CDK8: variants seen among roughly 807,000 people sequenced by gnomAD.
The protein encoded by CDK8 is cyclin dependent kinase 8, also known as cyclin-dependent kinase 8.
A neutral mutation model predicts 71.5 loss-of-function variants in CDK8; 29 were observed. That is an observed-to-expected ratio of 0.41 (90% CI 0.30 to 0.55). The LOEUF is 0.55. Ranked by LOEUF, CDK8 falls within the 20% of genes least tolerant of loss-of-function variation. The pLI is 0.37. For missense variants in CDK8, 288 were observed against 572.6 expected, an observed-to-expected ratio of 0.50 and a Z score of 5.07; for synonymous variants, 161 against 192.1, an observed-to-expected ratio of 0.84 and a Z score of 1.34.
chr13:26,264,257 C>T (rs920934246), intron 1 of CDK8, among the ~76,000 whole-genome samples: 3 of 147,102 alleles, frequency 2.0e-5, no homozygotes, highest in African/African-American at 8.2e-5. Context: ...TTGCCTTTAG[C>T]TGCCGTTCTT....
intron 1 of CDK8, among the ~76,000 whole-genome samples, chr13:26,281,256 A>G (rs1343088641): frequency 1.3e-5 from 2 of 152,262 alleles, no homozygotes; most frequent in African/African-American, 4.8e-5. Context: ...CATCTCCACC[A>G]GAACAGGTGC....
At position 26,267,735 on chromosome 13, in the gene CDK8, T is replaced by C. The variant is rs1593226932; in HGVS notation, c.128+12966T>C. ...TGCAAGGACATTTAGGTTGTTTTCA[T>C]TGAAACAGAACTGCAATAAATGTCC... is the stretch of plus-strand genomic sequence containing the variant. On this transcript the variant is annotated intron_variant, in intron 1 of 12. Coordinates refer to ENST00000381527, the MANE Select transcript of CDK8 (RefSeq NM_001260.3). 2.0e-5 allele frequency among the ~76,000 whole-genome samples: 3 copies of C among 152,332 alleles called. No homozygotes were observed. The South Asian group carries it at 6.2e-4, about 32-fold the overall frequency.
rs144216293 is a variant in CDK8, at chr13:26,257,961, T to G, written c.128+3192T>G. On this transcript the variant is annotated intron_variant, in intron 1 of 12. Transcript: ENST00000381527. ...TACTGCCAACTTTCTTTGGGGCACA[T>G]TTGTTGAGAGCCCAGAGATTAGTAA... is the stretch of plus-strand genomic sequence containing the variant. Among the ~76,000 whole-genome samples the G allele has an allele frequency of 6.7e-3, 1,021 of 151,846 alleles. 7 individuals carry two copies. The highest frequency in any genetic ancestry group is 0.024 in the Middle Eastern group (7 of 294).
chr13:26,366,960 A>G (rs1357456300), intron 4 of CDK8, among the ~76,000 whole-genome samples: 2 of 152,208 alleles, frequency 1.3e-5, no homozygotes, highest in African/African-American at 4.8e-5. Context: ...TAGCTGCCAT[A>G]GTAATTCTTG....
intron 1 of CDK8, among the ~76,000 whole-genome samples, chr13:26,330,589 G>A (rs1323578602): frequency 6.6e-6 from 1 of 151,894 alleles, no homozygotes; most frequent in Non-Finnish European, 1.5e-5. Flanking sequence ...AACCTTCCCA[G>A]TCTCTCTGTT....
At chr13:26,386,325 A>G (rs1203604054) in intron 6 of CDK8, among the ~76,000 whole-genome samples, 1 of 152,136 alleles carries the variant, frequency 6.6e-6, no homozygotes, top group African/African-American at 2.4e-5. Flanking sequence ...ATTCTGCTTC[A>G]TTCTCTTTGG....
chr13:26,397,908 GA>G (rs1245437952), intron 9 of CDK8, among the ~76,000 whole-genome samples: 2 of 152,106 alleles, frequency 1.3e-5, no homozygotes, highest in Non-Finnish European at 2.9e-5. Context: ...ATAACACATA[GA>G]AGGGGAGTTT....
chr13:26,286,345 C>G (rs1873019826), intron 1 of CDK8, among the ~76,000 whole-genome samples: 1 of 152,080 alleles, frequency 6.6e-6, no homozygotes, highest in South Asian at 2.1e-4. Flanking sequence ...TGAGAGAACC[C>G]AGAAATAAAG....
intron 1 of CDK8, among the ~76,000 whole-genome samples, chr13:26,325,767 T>C (rs1459866136): frequency 6.6e-6 from 1 of 152,158 alleles, no homozygotes; most frequent in African/African-American, 2.4e-5. Context: ...AATATGATTA[T>C]CAGTGGGGTT....
At chr13:26,296,319 C>T (rs1043920815) in intron 1 of CDK8, among the ~76,000 whole-genome samples, 10 of 152,186 alleles carry the variant, frequency 6.6e-5, no homozygotes, top group African/African-American at 2.2e-4. Context: ...GTTTCACAAA[C>T]CTTTTGGACA....
intron 1 of CDK8, among the ~76,000 whole-genome samples, chr13:26,288,018 A>C (rs1233764662): frequency 2.0e-5 from 3 of 152,114 alleles, no homozygotes; most frequent in African/African-American, 7.2e-5. Flanking sequence ...GCTGGAGTGC[A>C]GGGGTGTGAT....
chr13:26,353,398 CTT>C (rs10715270), intron 3 of CDK8, among the ~76,000 whole-genome samples: 8,991 of 147,398 alleles, frequency 0.061, 448 homozygotes, highest in African/African-American at 0.12. Context: ...GAATTTTGTT[CTT>C]TTTTTTTTTT....
Position 26,338,587 on chromosome 13 carries a change from T to C in CDK8, c.204+945T>C, listed in dbSNP as rs541190902. On this transcript the variant is annotated intron_variant, in intron 2 of 12. Transcript: ENST00000381527. Reference sequence around the variant, plus strand: ...TTGGGAACGAATGTAAGAATTACTTTCATGAGGGAAGAATAGGGGTGAGAT... The same window carrying C: ...TTGGGAACGAATGTAAGAATTACTTCCATGAGGGAAGAATAGGGGTGAGAT... Among the ~76,000 whole-genome samples the C allele has an allele frequency of 2.0e-5, 3 of 152,238 alleles. No individual in the cohort carries two copies. The South Asian group carries it at 6.2e-4, about 32-fold the overall frequency.
intron 4 of CDK8, among the ~76,000 whole-genome samples, chr13:26,380,890 C>T (rs889698751): frequency 9.2e-5 from 14 of 152,202 alleles, no homozygotes; most frequent in Non-Finnish European, 4.4e-5. Flanking sequence ...AGTCCTTATT[C>T]ACAGGAACTT....
chr13:26,351,355 TA>T (rs1230225185), intron 3 of CDK8, among the ~76,000 whole-genome samples: 1 of 152,166 alleles, frequency 6.6e-6, no homozygotes, highest in East Asian at 1.9e-4. Context: ...TCTTTTTTTT[TA>T]AATCTTTGGT....
At position 26,401,451 on chromosome 13, in the gene CDK8, GT is replaced by G; in HGVS notation, c.1111-12del. 6.2e-7 allele frequency: 1 copy of G among 1,614,034 alleles called. No individual in the cohort carries two copies. The highest frequency in any genetic ancestry group is 8.5e-7 in the Non-Finnish European group (1 of 1,179,966). On this transcript the variant is annotated splice_polypyrimidine_tract_variant and intron_variant, in intron 11 of 12. Transcript: ENST00000381527. The surrounding 1 kb of genome is among the most constrained non-coding windows in gnomAD (Gnocchi z 4.5). ...TCTCCCTCTGAGCTGAACTTTTTCT[GT>G]TTAACCAATTGAGAAGAACCAGCAG...
intron 1 of CDK8, among the ~76,000 whole-genome samples, chr13:26,304,257 C>CT (rs766402380): frequency 6.7e-6 from 1 of 148,504 alleles, no homozygotes. Context: ...GAGCCAGACT[C>CT]TGTCTCAAAA....
chr13:26,312,921 C>T (rs1038054534), intron 1 of CDK8, among the ~76,000 whole-genome samples: 3 of 152,172 alleles, frequency 2.0e-5, no homozygotes, highest in Non-Finnish European at 2.9e-5. Context: ...ACAGTGGATT[C>T]CTGTGTCTGC....
At chr13:26,390,371 C>T (rs1443765317) in intron 6 of CDK8, among the ~76,000 whole-genome samples, 1 of 152,224 alleles carries the variant, frequency 6.6e-6, no homozygotes, top group African/African-American at 2.4e-5. Context: ...TATGCCCCAT[C>T]TACTACAAAC....
Sources: gnomAD v4.1 joint callset for allele counts (sites outside exome capture counted in the v4.1 genomes callset) on GRCh38, gnomAD v4.1.1 for gene constraint, Gnocchi (gnomAD v3.1) non-coding constraint, MANE v1.5 for transcripts, NCBI Gene and HGNC (gene_info 2026-07-23, HGNC 2026-07-21) for gene names.